The following RHBDD1 variants were observed in gnomAD, a reference collection of about 807,000 sequenced individuals.
RHBDD1 encodes the protein rhomboid-related protein 4.
RHBDD1 carries 38 observed loss-of-function variants against 36.3 expected under a neutral mutation model. That is an observed-to-expected ratio of 1.05 (90% confidence interval 0.81 to 1.37). The LOEUF (loss-of-function observed/expected upper bound fraction) is 1.37. Ranked by LOEUF, RHBDD1 falls within the 40% of genes most tolerant of loss-of-function variation. The pLI, the probability that RHBDD1 is intolerant of heterozygous loss-of-function variation, is 0.00. For missense variants in RHBDD1, 393 were observed against 377.6 expected (o/e 1.04, Z -0.34); for synonymous variants, 151 against 136.5 (o/e 1.11, Z -0.74).
intron 1 of RHBDD1, among the ~76,000 whole-genome samples, chr2:226,837,023 A>G (rs905962181): frequency 6.6e-6 from 1 of 152,198 alleles, no homozygotes; most frequent in East Asian, 1.9e-4. Flanking sequence ...AACTTACTGA[A>G]TCAGAAATAT....
intron 8 of RHBDD1, among the ~76,000 whole-genome samples, chr2:226,956,460 C>G (rs561384364): frequency 1.7e-4 from 26 of 152,288 alleles, no homozygotes; most frequent in Admixed American, 1.6e-3. Flanking sequence ...TGTTACCTAT[C>G]ATCACCAGTC....
intron 8 of RHBDD1, among the ~76,000 whole-genome samples, chr2:226,968,364 G>C (rs1324703530): frequency 6.6e-6 from 1 of 152,220 alleles, no homozygotes; most frequent in African/African-American, 2.4e-5. Flanking sequence ...AGGGTGAGCA[G>C]GAACTCTCAG....
chr2:226,847,112 T>G lies in RHBDD1; in HGVS notation c.-91+7485T>G, dbSNP rs80247677. Among the ~76,000 whole-genome samples, 957 of 152,368 alleles carry G rather than the reference T, an allele frequency of 6.3e-3. 9 individuals carry two copies. Among genetic ancestry groups the G allele is most frequent in the African/African-American group, 0.022 (908 of 41,582 alleles). On this transcript the variant is annotated intron_variant, in intron 3 of 8. Transcript: ENST00000392062. ...TCATTTTGTGAATTTCTGTGCAGTT[T>G]GCCTCAGCAGGGTGCAGTTTTCTGC...
At chr2:226,874,012 G>C (rs1331369142) in intron 5 of RHBDD1, among the ~76,000 whole-genome samples, 1 of 152,112 alleles carries the variant, frequency 6.6e-6, no homozygotes, top group Non-Finnish European at 1.5e-5. Flanking sequence ...CGTCCTACAT[G>C]GTGGCAGGTG....
At chr2:226,947,846 GC>G (rs1951098125) in intron 8 of RHBDD1, among the ~76,000 whole-genome samples, 1 of 152,062 alleles carries the variant, frequency 6.6e-6, no homozygotes. Flanking sequence ...TCAGAGAAAT[GC>G]AAATCAAAAC....
At chr2:226,809,633 G>A in the RHBDD1 span, among the ~76,000 whole-genome samples, 1 of 151,912 alleles carries the variant, frequency 6.6e-6, no homozygotes, top group African/African-American at 2.4e-5. Flanking sequence ...GAGAAAGAGA[G>A]GGAGAGAGAG....
At chr2:226,876,217 T>C (rs1945229174) in intron 5 of RHBDD1, among the ~76,000 whole-genome samples, 1 of 152,158 alleles carries the variant, frequency 6.6e-6, no homozygotes, top group Non-Finnish European at 1.5e-5. Context: ...GAATATGTGG[T>C]TTAGGACAGG....
chr2:226,944,312 T>C (rs984920595), intron 8 of RHBDD1, among the ~76,000 whole-genome samples: 5 of 152,220 alleles, frequency 3.3e-5, no homozygotes, highest in Non-Finnish European at 5.9e-5. Flanking sequence ...TCTGCTGTTT[T>C]GTAGCTGCTT....
chr2:226,857,127 G>A (rs975644372), intron 3 of RHBDD1, among the ~76,000 whole-genome samples: 1 of 151,968 alleles, frequency 6.6e-6, no homozygotes, highest in Non-Finnish European at 1.5e-5. Context: ...TTGGGTACAC[G>A]TGTGCTTGTG....
At chr2:226,937,601 A>G (rs975272604) in intron 8 of RHBDD1, among the ~76,000 whole-genome samples, 2 of 151,732 alleles carry the variant, frequency 1.3e-5, no homozygotes, top group Non-Finnish European at 2.9e-5. Context: ...CTTGCCCTCC[A>G]CCCTCCAATA....
intron 3 of RHBDD1, among the ~76,000 whole-genome samples, chr2:226,846,549 G>A (rs1942239675): frequency 6.6e-6 from 1 of 152,076 alleles, no homozygotes; most frequent in African/African-American, 2.4e-5. Context: ...TTAAAGACCA[G>A]CCTGGCCAAC....
At chr2:226,947,659 G>A (rs1319426964) in intron 8 of RHBDD1, among the ~76,000 whole-genome samples, 7 of 151,872 alleles carry the variant, frequency 4.6e-5, no homozygotes, top group South Asian at 2.1e-4. Context: ...GAAAATTTTC[G>A]CAACCTACTC....
chr2:226,849,058 G>A (rs1942525703), intron 3 of RHBDD1, among the ~76,000 whole-genome samples: 1 of 152,184 alleles, frequency 6.6e-6, no homozygotes, highest in South Asian at 2.1e-4. Context: ...AGTGATTACT[G>A]TATGCCTGGC....
At chr2:226,913,690 T>G (rs977349012) in intron 7 of RHBDD1, among the ~76,000 whole-genome samples, 1 of 152,306 alleles carries the variant, frequency 6.6e-6, no homozygotes, top group Admixed American at 6.5e-5. Flanking sequence ...AGCTATAATC[T>G]CTGACATAGA....
intron 5 of RHBDD1, among the ~76,000 whole-genome samples, chr2:226,894,672 CAA>C (rs1190746727): frequency 1.1e-4 from 16 of 152,130 alleles, no homozygotes; most frequent in African/African-American, 3.6e-4. Flanking sequence ...TCTGTGTACA[CAA>C]AGTGTACAAG....
At chr2:226,994,235 T>C (rs907966933) in intron 8 of RHBDD1, among the ~76,000 whole-genome samples, 5 of 152,174 alleles carry the variant, frequency 3.3e-5, no homozygotes, top group Non-Finnish European at 7.3e-5. Context: ...ACAGCTACTG[T>C]GTGTTCAGAA....
Position 226,998,788 on chromosome 2 carries a change from G to A in RHBDD1, c.*3266G>A, listed in dbSNP as rs1009830825. On this transcript the variant is annotated 3_prime_UTR_variant, in exon 9 of 9. Coordinates refer to ENST00000392062, the MANE Select transcript of RHBDD1 (RefSeq NM_001167608.3). Reference sequence around the variant, plus strand: ...CTTTCATTGGCTCTCTGCTGCCAAAGGATAAAGGTCAAAGTCATTAGCCTC... The same window carrying A: ...CTTTCATTGGCTCTCTGCTGCCAAAAGATAAAGGTCAAAGTCATTAGCCTC... 2.0e-4 allele frequency: 31 copies of A among 152,158 alleles called. No homozygotes were observed. Among genetic ancestry groups the A allele is most frequent in the Admixed American group, 2.0e-3 (31 of 15,286 alleles). 9.4% of individuals were successfully genotyped at this position (152,158 alleles called of 1,614,324 possible). A position where few individuals can be genotyped will look rare whatever the true frequency, so the allele number is the denominator to read the frequency against.
chr2:226,901,247 C>CGT (rs146650890), intron 5 of RHBDD1, among the ~76,000 whole-genome samples: 1 of 151,866 alleles, frequency 6.6e-6, no homozygotes, highest in African/African-American at 2.4e-5. Flanking sequence ...TGTGTGTATG[C>CGT]GTGTGTGTGT....
intron 5 of RHBDD1, among the ~76,000 whole-genome samples, chr2:226,879,465 G>A (rs913214866): frequency 6.6e-6 from 1 of 152,174 alleles, no homozygotes; most frequent in Non-Finnish European, 1.5e-5. Context: ...ATAGTTGTCT[G>A]TATATGGAAA....
Sources: gnomAD v4.1 joint callset for allele counts (sites outside exome capture counted in the v4.1 genomes callset) on GRCh38, gnomAD v4.1.1 for gene constraint, MANE v1.5 for transcripts, NCBI Gene and HGNC (gene_info 2026-07-23, HGNC 2026-07-21) for gene names.